Variants in BRSK1 observed in about 807,000 individuals in gnomAD.
BRSK1 encodes the protein BR serine/threonine kinase 1.
BRSK1 carries 17 observed loss-of-function variants against 86.2 expected under a neutral mutation model. That is an observed-to-expected ratio of 0.20 (90% confidence interval 0.14 to 0.30). The LOEUF (loss-of-function observed/expected upper bound fraction) is 0.30, where lower values mean the gene tolerates loss of function less well. Ranked by LOEUF, BRSK1 falls within the 10% of genes least tolerant of loss-of-function variation. BRSK1 has a pLI of 1.00. For synonymous variants in BRSK1, 464 were observed against 440.1 expected (o/e 1.05, Z -0.68); for missense variants, 719 against 1,071.9 (o/e 0.67, Z 4.60).
Position 55,312,117 on chromosome 19 carries a change from GCCC to G in BRSK1, c.*53_*55del, listed in dbSNP as rs1212067579. 1.3e-6 allele frequency: 1 copy of G among 792,412 alleles called. No homozygotes were observed. The allele number at this position is 792,412 out of a possible 1,614,324, so 49.1% of individuals were successfully genotyped here. On this transcript the variant is annotated 3_prime_UTR_variant, in exon 19 of 19. Coordinates refer to ENST00000309383, the MANE Select transcript of BRSK1 (RefSeq NM_032430.2). Reference sequence around the variant, plus strand: ...GGACCCCCCTCCACCCCCCTTCCGTGCCCCCCAACTGTGAATCTGTAAATAAGG... The same window carrying G: ...GGACCCCCCTCCACCCCCCTTCCGTGCCCAACTGTGAATCTGTAAATAAGG...
intron 7 of BRSK1, among the ~76,000 whole-genome samples, chr19:55,297,393 C>T (rs1248692150): frequency 6.6e-6 from 1 of 152,166 alleles, no homozygotes; most frequent in Non-Finnish European, 1.5e-5. Flanking sequence ...ATGTCAGGCA[C>T]TGTTCTGATC....
Position 55,306,576 on chromosome 19 carries a change from T to A in BRSK1, c.2089+126T>A. On this transcript the variant is annotated intron_variant, in intron 17 of 18. Coordinates refer to ENST00000309383, the MANE Select transcript of BRSK1 (RefSeq NM_032430.2). The surrounding 1 kb of genome is among the most constrained non-coding windows in gnomAD (Gnocchi z 4.7). ...TGGTGTTCAGCTGGTGCCGACTCTCTGTGCTCCTCCTGCCCACACAGACCG... is the reference window on the plus strand; with the variant it reads ...TGGTGTTCAGCTGGTGCCGACTCTCAGTGCTCCTCCTGCCCACACAGACCG... 1 of 1,110,994 alleles carries A rather than the reference T, an allele frequency of 9.0e-7. No individual in the cohort carries two copies. The highest frequency in any genetic ancestry group is 1.3e-6 in the Non-Finnish European group (1 of 771,594). 68.8% of individuals were successfully genotyped at this position (1,110,994 alleles called of 1,614,324 possible). A position where few individuals can be genotyped will look rare whatever the true frequency, so the allele number is the denominator to read the frequency against.
In BRSK1 at chr19:55,303,650, A is replaced by C. The variant is rs774823175; in HGVS notation, c.1127-17A>C. 1.9e-6 allele frequency: 3 copies of C among 1,584,152 alleles called. No homozygotes were observed. In the East Asian group the frequency reaches 6.7e-5, roughly 36 times the overall value. On this transcript the variant is annotated splice_polypyrimidine_tract_variant and intron_variant, in intron 11 of 18. Coordinates refer to ENST00000309383, the MANE Select transcript of BRSK1 (RefSeq NM_032430.2). The surrounding 1 kb of genome is among the most constrained non-coding windows in gnomAD (Gnocchi z 5.1). Reference sequence around the variant, plus strand: ...GTGAAACCATCTCTTGATTGGGTTGAAACTGTTGTCCCTCAGACCCCCCCC... The same window carrying C: ...GTGAAACCATCTCTTGATTGGGTTGCAACTGTTGTCCCTCAGACCCCCCCC...
In BRSK1 at chr19:55,303,203, T is replaced by C; in HGVS notation, c.1029-108T>C. 2 of 879,300 alleles carry C rather than the reference T, an allele frequency of 2.3e-6. No homozygotes were observed. Among genetic ancestry groups the C allele is most frequent in the Non-Finnish European group, 1.8e-6 (1 of 548,848 alleles). 54.5% of individuals were successfully genotyped at this position (879,300 alleles called of 1,614,324 possible). On this transcript the variant is annotated intron_variant, in intron 10 of 18. Transcript: ENST00000309383. The surrounding 1 kb of genome is among the most constrained non-coding windows in gnomAD (Gnocchi z 5.1). ...TGACCATACTGATACCTAGAAAAAA[T>C]GGAACCATGGGCAGAAATACAGGGA...
rs1264363128 is a variant in BRSK1, at chr19:55,294,708, G to T, written c.678+311G>T. ...GTAGAGACAGGGTTTCGCCATATTG[G>T]CCAGGCTGGTCTCCAACTCCTGACC... is the stretch of plus-strand genomic sequence containing the variant. On this transcript the variant is annotated intron_variant, in intron 7 of 18. Transcript: ENST00000309383. This position sits in a 1 kb window ranked among gnomAD's most constrained non-coding sequence, Gnocchi z 4.9. Among the ~76,000 whole-genome samples, 1 of 151,930 alleles carries T rather than the reference G, an allele frequency of 6.6e-6. No individual in the cohort carries two copies. The highest frequency in any genetic ancestry group is 1.5e-5 in the Non-Finnish European group (1 of 67,966).
At chr19:55,295,342 C>G (rs1371975386) in intron 7 of BRSK1, among the ~76,000 whole-genome samples, 1 of 152,122 alleles carries the variant, frequency 6.6e-6, no homozygotes, top group Non-Finnish European at 1.5e-5. Flanking sequence ...TGGTCGGTCT[C>G]AAACTCCTGG....
intron 1 of BRSK1, among the ~76,000 whole-genome samples, chr19:55,285,018 G>A (rs113254621): frequency 6.6e-6 from 1 of 151,736 alleles, no homozygotes; most frequent in Non-Finnish European, 1.5e-5. Context: ...GGACTCCAGG[G>A]TCTGAGGGAG....
chr19:55,287,133 T>TG lies in BRSK1; in HGVS notation c.231+39dup, dbSNP rs778492767. ...GCGCCTGCTGCAGTGTGCCTGCGGG[T>TG]GGGGGGGCCTCCGGGGCTGAGGGCA... On this transcript the variant is annotated intron_variant, in intron 2 of 18. Coordinates refer to ENST00000309383, the MANE Select transcript of BRSK1 (RefSeq NM_032430.2). This position sits in a 1 kb window ranked among gnomAD's most constrained non-coding sequence, Gnocchi z 5.3. 3.5e-5 allele frequency: 31 copies of TG among 896,196 alleles called. No homozygotes were observed. The highest frequency in any genetic ancestry group is 8.9e-5 in the East Asian group (2 of 22,530). 55.5% of individuals were successfully genotyped at this position (896,196 alleles called of 1,614,324 possible).
Position 55,305,077 on chromosome 19 carries a change from T to C in BRSK1, c.1717+157T>C, listed in dbSNP as rs544749373. Among the ~76,000 whole-genome samples, 15 of 152,226 alleles carry C rather than the reference T, an allele frequency of 9.9e-5. No individual in the cohort carries two copies. The East Asian group carries it at 2.9e-3, about 29-fold the overall frequency. ...AGGGGGTTTGAAGCAGAGGTGCACCTGTTGGGGAGAGAGGTGGGGCCTCTA... is the reference window on the plus strand; with the variant it reads ...AGGGGGTTTGAAGCAGAGGTGCACCCGTTGGGGAGAGAGGTGGGGCCTCTA... On this transcript the variant is annotated intron_variant, in intron 14 of 18. Coordinates refer to ENST00000309383, the MANE Select transcript of BRSK1 (RefSeq NM_032430.2).
Position 55,303,852 on chromosome 19 carries a change from G to C in BRSK1, c.1286+26G>C. ...GTGGGAGCCCCTGTCCCTCCAGGAG[G>C]ATCCACAATCCCTGGGTCTAGGAGT... On this transcript the variant is annotated intron_variant, in intron 12 of 18. Coordinates refer to ENST00000309383, the MANE Select transcript of BRSK1 (RefSeq NM_032430.2). This position sits in a 1 kb window ranked among gnomAD's most constrained non-coding sequence, Gnocchi z 5.1. 6.5e-7 allele frequency: 1 copy of C among 1,545,676 alleles called. No homozygotes were observed. The highest frequency in any genetic ancestry group is 8.7e-7 in the Non-Finnish European group (1 of 1,147,094).
In BRSK1 at chr19:55,294,042, C is replaced by T. The variant is rs2088447897; in HGVS notation, c.484C>T (p.Leu162=). 1 of 1,613,748 alleles carries T rather than the reference C, an allele frequency of 6.2e-7. No homozygotes were observed. Among genetic ancestry groups the T allele is most frequent in the African/African-American group, 1.3e-5 (1 of 75,052 alleles). The part of the protein sequence containing the change: ...ICHRDLKPEN[L]LLDEKNNIRI... ...CCACAGAGACCTAAAGCCCGAGAAC[C>T]TGCTTTTGGATGAGAAAAACAACAT... Residue 162 remains leucine, a synonymous_variant, in exon 5 of 19, where the codon CTG becomes TTG. Transcript: ENST00000309383. This position sits in a 1 kb window ranked among gnomAD's most constrained non-coding sequence, Gnocchi z 4.9.
In BRSK1 at chr19:55,312,134, C is replaced by A; in HGVS notation, c.*66C>A. 1.4e-6 allele frequency: 1 copy of A among 697,472 alleles called. No homozygotes were observed. Among genetic ancestry groups the A allele is most frequent in the South Asian group, 2.1e-5 (1 of 48,176 alleles). The allele number at this position is 697,472 out of a possible 1,614,324, so 43.2% of individuals were successfully genotyped here. On this transcript the variant is annotated 3_prime_UTR_variant, in exon 19 of 19. Transcript: ENST00000309383. Reference sequence around the variant, plus strand: ...CCTTCCGTGCCCCCCAACTGTGAATCTGTAAATAAGGCCCAAGGAACATGT... The same window carrying A: ...CCTTCCGTGCCCCCCAACTGTGAATATGTAAATAAGGCCCAAGGAACATGT...
chr19:55,301,938 T>G lies in BRSK1; in HGVS notation c.826-199T>G, dbSNP rs906884491. On this transcript the variant is annotated intron_variant, in intron 8 of 18. Coordinates refer to ENST00000309383, the MANE Select transcript of BRSK1 (RefSeq NM_032430.2). Reference sequence around the variant, plus strand: ...GCATGCGGCAAAGTAATGCGGCCGGTCCGGGGTACACGGAGACCGCGCGTG... The same window carrying G: ...GCATGCGGCAAAGTAATGCGGCCGGGCCGGGGTACACGGAGACCGCGCGTG... The G allele has an allele frequency of 9.8e-6, 8 of 815,746 alleles. No homozygotes were observed. The South Asian group carries it at 1.2e-4, about 12-fold the overall frequency. 50.5% of individuals were successfully genotyped at this position (815,746 alleles called of 1,614,324 possible).
In BRSK1 at chr19:55,302,428, G is replaced by A. The variant is rs1914162895; in HGVS notation, c.857+260G>A. ...TGGGGGCCTGGACTCCTGGATCCGA[G>A]GGAGGAGGGGCTGGGGGCCTGGACT... On this transcript the variant is annotated intron_variant, in intron 9 of 18. Coordinates refer to ENST00000309383, the MANE Select transcript of BRSK1 (RefSeq NM_032430.2). This position sits in a 1 kb window ranked among gnomAD's most constrained non-coding sequence, Gnocchi z 6.3. 1.6e-6 allele frequency: 1 copy of A among 614,440 alleles called. No individual in the cohort carries two copies. Among genetic ancestry groups the A allele is most frequent in the Non-Finnish European group, 2.8e-6 (1 of 351,130 alleles). 38.1% of individuals were successfully genotyped at this position (614,440 alleles called of 1,614,324 possible). A position where few individuals can be genotyped will look rare whatever the true frequency, so the allele number is the denominator to read the frequency against.
intron 17 of BRSK1, among the ~76,000 whole-genome samples, chr19:55,307,987 A>ATTTCTT (rs988947005): frequency 6.8e-6 from 1 of 147,258 alleles, no homozygotes; most frequent in African/African-American, 2.5e-5. Context: ...ACTTTCTCCG[A>ATTTCTT]TTTCTTTTTC....
Position 55,302,062 on chromosome 19 carries a change from C to T in BRSK1, c.826-75C>T. ...GAGATGATCAGGGACCCCAAAACCACCCCAGTCTTTCATTGCGCGCCTACA... is the reference window on the plus strand; with the variant it reads ...GAGATGATCAGGGACCCCAAAACCATCCCAGTCTTTCATTGCGCGCCTACA... On this transcript the variant is annotated intron_variant, in intron 8 of 18. Transcript: ENST00000309383. This position sits in a 1 kb window ranked among gnomAD's most constrained non-coding sequence, Gnocchi z 6.3. The T allele has an allele frequency of 1.3e-6, 2 of 1,563,010 alleles. No homozygotes were observed. Among genetic ancestry groups the T allele is most frequent in the Non-Finnish European group, 8.8e-7 (1 of 1,133,682 alleles).
intron 18 of BRSK1, among the ~76,000 whole-genome samples, chr19:55,309,415 C>T (rs2008430328): frequency 2.0e-5 from 3 of 152,290 alleles, no homozygotes; most frequent in Non-Finnish European, 2.9e-5. Context: ...GTTCAGGCTA[C>T]TATAAGAAAA....
chr19:55,297,735 C>G (rs1381162925), intron 7 of BRSK1, among the ~76,000 whole-genome samples: 1 of 152,234 alleles, frequency 6.6e-6, no homozygotes, highest in African/African-American at 2.4e-5. Context: ...GTCACCCTAC[C>G]TCAGTGTCCT....
At chr19:55,308,790 GC>G in intron 18 of BRSK1, 62 bp downstream of exon 18, 3 of 132,140 alleles carry the variant, frequency 2.3e-5, no homozygotes, top group South Asian at 8.4e-5. Flanking sequence ...GTGGCGGGGG[GC>G]GTGGGTGGCG....
Sources: gnomAD v4.1 joint callset for allele counts (sites outside exome capture counted in the v4.1 genomes callset) on GRCh38, gnomAD v4.1.1 for gene constraint, Gnocchi (gnomAD v3.1) non-coding constraint, MANE v1.5 for transcripts, NCBI Gene and HGNC (gene_info 2026-07-23, HGNC 2026-07-21) for gene names.